Variants in MAGI2 observed in about 807,000 individuals in gnomAD.
MAGI2 encodes membrane-associated guanylate kinase, WW and PDZ domain-containing protein 2.
Under a neutral mutation model 133.3 loss-of-function variants are expected in MAGI2, and 35 were observed. That is an observed-to-expected ratio of 0.26 (90% CI 0.20 to 0.35). The LOEUF (loss-of-function observed/expected upper bound fraction) is 0.35. Among genes scored for constraint, MAGI2 ranks in the 10% least tolerant of loss-of-function variants. MAGI2 has a pLI of 1.00. For synonymous variants in MAGI2, 729 were observed against 710.6 expected (o/e 1.03, Z -0.41); for missense variants, 1,636 against 1,863.4 (o/e 0.88, Z 2.25).
intron 3 of MAGI2, among the ~76,000 whole-genome samples, chr7:78,582,278 G>A (rs1802913789): frequency 6.6e-6 from 1 of 152,140 alleles, no homozygotes; most frequent in Non-Finnish European, 1.5e-5. Context: ...GAGTCTAAGA[G>A]CAACCACGTG....
chr7:78,878,119 G>C (rs568653917), intron 2 of MAGI2, among the ~76,000 whole-genome samples: 1 of 152,124 alleles, frequency 6.6e-6, no homozygotes, highest in African/African-American at 2.4e-5. Context: ...GATATAATTT[G>C]AAGTAAAGAC....
At chr7:78,697,428 T>C (rs1265826688) in intron 2 of MAGI2, among the ~76,000 whole-genome samples, 2 of 152,208 alleles carry the variant, frequency 1.3e-5, no homozygotes, top group Non-Finnish European at 2.9e-5. Flanking sequence ...ACTTAAATTC[T>C]AGCTATGCCA....
At chr7:78,353,124 T>TTTCC (rs1168776018) in intron 7 of MAGI2, among the ~76,000 whole-genome samples, 4 of 152,252 alleles carry the variant, frequency 2.6e-5, no homozygotes, top group Non-Finnish European at 5.9e-5. Context: ...AAGGTATTTC[T>TTTCC]AACCTTTTGC....
chr7:78,493,550 C>G (rs969519554), intron 5 of MAGI2, among the ~76,000 whole-genome samples: 4 of 151,934 alleles, frequency 2.6e-5, no homozygotes, highest in African/African-American at 7.3e-5. Flanking sequence ...GTAACTTGCC[C>G]AAGGCTAAAC....
intron 1 of MAGI2, among the ~76,000 whole-genome samples, chr7:79,241,616 TTTTGGGACTG>T (rs1832423432): frequency 6.6e-6 from 1 of 152,206 alleles, no homozygotes; most frequent in Non-Finnish European, 1.5e-5. Flanking sequence ...CCCATCTTTG[TTTTGGGACTG>T]AAACTGCCTT....
chr7:79,229,514 C>A (rs1354665300), intron 1 of MAGI2, among the ~76,000 whole-genome samples: 2 of 152,154 alleles, frequency 1.3e-5, no homozygotes, highest in Non-Finnish European at 2.9e-5. Flanking sequence ...GTTTTTGAAT[C>A]AGTTACCATC....
chr7:78,587,303 TG>T (rs1202434294), intron 3 of MAGI2, among the ~76,000 whole-genome samples: 3 of 152,206 alleles, frequency 2.0e-5, no homozygotes, highest in Admixed American at 2.0e-4. Flanking sequence ...ATGGGTGTTC[TG>T]GCTAAGAATT....
Position 78,677,551 on chromosome 7 carries a change from C to G in MAGI2, c.419-50312G>C, listed in dbSNP as rs1815180825. On this transcript the variant is annotated intron_variant, in intron 2 of 21. Coordinates refer to ENST00000354212, the MANE Select transcript of MAGI2 (RefSeq NM_012301.4). ...CTTTCCTATCATTAAAAAAAATAAG[C>G]ATTTATCAACCAATTACCATGTCTA... Among the ~76,000 whole-genome samples the G allele has an allele frequency of 2.0e-5, 3 of 151,852 alleles. No homozygotes were observed. The South Asian group carries it at 6.2e-4, about 31-fold the overall frequency.
intron 2 of MAGI2, among the ~76,000 whole-genome samples, chr7:78,758,728 A>T (rs1563464685): frequency 6.6e-6 from 1 of 152,148 alleles, no homozygotes; most frequent in Non-Finnish European, 1.5e-5. Flanking sequence ...TTTTGGGCAA[A>T]CAATGCTCCT....
intron 2 of MAGI2, among the ~76,000 whole-genome samples, chr7:78,923,822 A>G (rs1014590155): frequency 2.6e-5 from 4 of 152,188 alleles, no homozygotes; most frequent in African/African-American, 7.2e-5. Flanking sequence ...CTTCCTACCC[A>G]TGACCATGGA....
chr7:78,175,649 G>T (rs1015087637), intron 14 of MAGI2, among the ~76,000 whole-genome samples: 1 of 152,098 alleles, frequency 6.6e-6, no homozygotes, highest in African/African-American at 2.4e-5. Context: ...TTAAAGTTGG[G>T]GTGGTCTGTG....
At chr7:78,244,325 C>T (rs1456992219) in intron 10 of MAGI2, among the ~76,000 whole-genome samples, 1 of 151,634 alleles carries the variant, frequency 6.6e-6, no homozygotes, top group African/African-American at 2.4e-5. Flanking sequence ...TGTAGGATAA[C>T]ATGCATTGTA....
chr7:79,237,929 A>G (rs1832066090), intron 1 of MAGI2, among the ~76,000 whole-genome samples: 1 of 152,170 alleles, frequency 6.6e-6, no homozygotes, highest in Non-Finnish European at 1.5e-5. Flanking sequence ...ATGGAAAAGG[A>G]GGCTAAACTT....
At chr7:78,504,151 A>G (rs762588181) in intron 4 of MAGI2, among the ~76,000 whole-genome samples, 2 of 152,182 alleles carry the variant, frequency 1.3e-5, no homozygotes, top group Non-Finnish European at 2.9e-5. Context: ...CTCAGGTACT[A>G]GGAAGTGGAG....
intron 7 of MAGI2, among the ~76,000 whole-genome samples, chr7:78,363,125 C>A (rs953788288): frequency 6.6e-6 from 1 of 152,196 alleles, no homozygotes; most frequent in African/African-American, 2.4e-5. Flanking sequence ...ATAATTATGA[C>A]AATATAACCT....
At chr7:78,508,595 G>A (rs1261085736) in intron 4 of MAGI2, among the ~76,000 whole-genome samples, 2 of 152,182 alleles carry the variant, frequency 1.3e-5, no homozygotes, top group Non-Finnish European at 2.9e-5. Flanking sequence ...AACCAAGCTT[G>A]CCTGTGTCAG....
At chr7:78,965,281 T>C (rs892497778) in intron 2 of MAGI2, among the ~76,000 whole-genome samples, 1 of 151,740 alleles carries the variant, frequency 6.6e-6, no homozygotes, top group African/African-American at 2.4e-5. Context: ...CATAGGGATA[T>C]GCATGTCACA....
In MAGI2 at chr7:79,045,840, G is replaced by C. The variant is rs6970292; in HGVS notation, c.302-38634C>G. On this transcript the variant is annotated intron_variant, in intron 1 of 21. Coordinates refer to ENST00000354212, the MANE Select transcript of MAGI2 (RefSeq NM_012301.4). ...AAAGGGATGGATGTGGCAATGAAAG[G>C]GTAGCACAAGGGGGATCTTCAGGAC... Among the ~76,000 whole-genome samples the C allele has an allele frequency of 3.5e-3, 537 of 152,182 alleles. 1 individual carries two copies. Among genetic ancestry groups the C allele is most frequent in the African/African-American group, 0.013 (521 of 41,528 alleles).
At chr7:78,875,531 C>T (rs1795351148) in intron 2 of MAGI2, among the ~76,000 whole-genome samples, 1 of 152,146 alleles carries the variant, frequency 6.6e-6, no homozygotes, top group East Asian at 1.9e-4. Flanking sequence ...CTACTGCATA[C>T]CATGTGTAGA....
Sources: gnomAD v4.1 joint callset for allele counts (sites outside exome capture counted in the v4.1 genomes callset) on GRCh38, gnomAD v4.1.1 for gene constraint, MANE v1.5 for transcripts, NCBI Gene and HGNC (gene_info 2026-07-23, HGNC 2026-07-21) for gene names.